Variants in HYAL4 observed in about 807,000 individuals in gnomAD.
The protein encoded by HYAL4 is hyaluronidase-4.
In HYAL4, 37 loss-of-function variants were observed where a neutral mutation model predicts 35.2. The ratio of observed to expected loss-of-function variants is 1.05; its 90% CI spans 0.81 to 1.38. The LOEUF is 1.38. Among genes scored for constraint, HYAL4 ranks in the 40% most tolerant of loss-of-function variants. HYAL4 has a pLI of 0.00. For missense variants in HYAL4, 572 were observed against 572.4 expected (o/e 1.00, Z 0.01); for synonymous variants, 198 against 203.2 (o/e 0.97, Z 0.22).
the HYAL4 span, among the ~76,000 whole-genome samples, chr7:123,775,313 T>C: frequency 2.6e-5 from 4 of 151,932 alleles, no homozygotes; most frequent in African/African-American, 9.7e-5. Context: ...CCTATAGTAC[T>C]AGCTACTCAA....
At chr7:123,847,488 A>G (rs1000380403) in intron 1 of HYAL4, among the ~76,000 whole-genome samples, 2 of 152,134 alleles carry the variant, frequency 1.3e-5, no homozygotes, top group African/African-American at 4.8e-5. Context: ...TTAATAATAC[A>G]TGCTTTAGGC....
Position 123,868,867 on chromosome 7 carries a change from C to A in HYAL4, c.594C>A (p.Phe198Leu). Reference protein sequence around the residue: ...KVTFEESAKAFMKETIKLGIK... With the variant: ...KVTFEESAKALMKETIKLGIK... ...CCTTTGAAGAAAGTGCAAAAGCTTTCATGAAGGAAACCATCAAATTGGGAA... is the reference window on the plus strand; with the variant it reads ...CCTTTGAAGAAAGTGCAAAAGCTTTAATGAAGGAAACCATCAAATTGGGAA... Residue 198 changes from phenylalanine to leucine, a missense_variant, in exon 3 of 5, where the codon TTC becomes TTA. Phe to Leu is a conservative substitution (Grantham distance 22). Transcript: ENST00000223026. The A allele has an allele frequency of 6.2e-7, 1 of 1,614,160 alleles. No homozygotes were observed. The highest frequency in any genetic ancestry group is 1.3e-5 in the African/African-American group (1 of 75,040).
chr7:123,804,483 GTCTA>G, the HYAL4 span, among the ~76,000 whole-genome samples: 14 of 152,196 alleles, frequency 9.2e-5, no homozygotes, highest in South Asian at 6.2e-4. Flanking sequence ...CCTTAATTTT[GTCTA>G]TCTTTTTCTG....
the HYAL4 span, among the ~76,000 whole-genome samples, chr7:123,808,074 C>T: frequency 6.6e-6 from 1 of 151,722 alleles, no homozygotes; most frequent in Non-Finnish European, 1.5e-5. Flanking sequence ...TATAGTTGCC[C>T]AGCCAGGGCT....
the HYAL4 span, among the ~76,000 whole-genome samples, chr7:123,812,977 A>C: frequency 6.6e-6 from 1 of 152,122 alleles, no homozygotes; most frequent in Non-Finnish European, 1.5e-5. Flanking sequence ...TAAAAGAGTA[A>C]ATTATCGTTC....
chr7:123,793,207 C>G, the HYAL4 span, among the ~76,000 whole-genome samples: 2 of 152,232 alleles, frequency 1.3e-5, no homozygotes, highest in African/African-American at 2.4e-5. Flanking sequence ...ATGCTCCAAA[C>G]TTGATCTGGT....
chr7:123,841,024 G>A (rs1405468756), upstream of HYAL4, among the ~76,000 whole-genome samples: 3 of 151,950 alleles, frequency 2.0e-5, no homozygotes, highest in East Asian at 3.8e-4. Context: ...CCAACACTAT[G>A]TTGAATAGGA....
the HYAL4 span, among the ~76,000 whole-genome samples, chr7:123,823,839 C>CGAA: frequency 1.3e-5 from 2 of 151,516 alleles, no homozygotes; most frequent in Admixed American, 1.3e-4. Flanking sequence ...CAAAATAACT[C>CGAA]TATTAATTTT....
chr7:123,765,372 T>A, the HYAL4 span, among the ~76,000 whole-genome samples: 1 of 152,168 alleles, frequency 6.6e-6, no homozygotes, highest in African/African-American at 2.4e-5. Flanking sequence ...AACTATACAT[T>A]AGGGATTTTT....
At chr7:123,809,464 C>T in the HYAL4 span, among the ~76,000 whole-genome samples, 15 of 145,470 alleles carry the variant, frequency 1.0e-4, no homozygotes, top group African/African-American at 1.3e-4. Flanking sequence ...GGCGTGATCT[C>T]GGCTCACTGC....
chr7:123,821,288 G>T, the HYAL4 span, among the ~76,000 whole-genome samples: 2 of 152,074 alleles, frequency 1.3e-5, no homozygotes, highest in African/African-American at 2.4e-5. Flanking sequence ...GGGTATGGGG[G>T]TTCCCATTTC....
In HYAL4 at chr7:123,868,563, A is replaced by G; in HGVS notation, c.290A>G (p.Tyr97Cys). The G allele has an allele frequency of 1.2e-6, 2 of 1,613,852 alleles. No individual in the cohort carries two copies. Among genetic ancestry groups the G allele is most frequent in the Non-Finnish European group, 1.7e-6 (2 of 1,179,932 alleles). The change falls in exon 3 of 5, where the codon TAC becomes TGC. Residue 97 changes from tyrosine to cysteine, a missense_variant. Tyr to Cys is a radical substitution (Grantham distance 194). Coordinates refer to ENST00000223026, the MANE Select transcript of HYAL4 (RefSeq NM_012269.3). ...ATATTTTATGTCAACAGATTGGGAT[A>G]CTATCCGTGGTATACATCACAAGGG... Reference protein sequence around the residue: ...VTIFYVNRLGYYPWYTSQGVP... With the variant: ...VTIFYVNRLGCYPWYTSQGVP...
the HYAL4 span, among the ~76,000 whole-genome samples, chr7:123,783,550 A>G: frequency 1.3e-5 from 2 of 152,158 alleles, no homozygotes; most frequent in Admixed American, 6.5e-5. Flanking sequence ...CTATGTGAGT[A>G]GAGCCTTGAA....
the HYAL4 span, among the ~76,000 whole-genome samples, chr7:123,778,736 T>A: frequency 2.0e-5 from 3 of 152,184 alleles, no homozygotes; most frequent in Non-Finnish European, 4.4e-5. Flanking sequence ...ATTTTTGTAC[T>A]GTAAAATTTC....
At chr7:123,800,164 A>AT in the HYAL4 span, among the ~76,000 whole-genome samples, 1 of 148,650 alleles carries the variant, frequency 6.7e-6, no homozygotes, top group Non-Finnish European at 1.5e-5. Context: ...CTCTGTGTCA[A>AT]TTTTTTTTAC....
chr7:123,874,988 G>A (rs978601932), intron 4 of HYAL4, 138 bp downstream of exon 4: 1 of 604,788 alleles, frequency 1.7e-6, no homozygotes, highest in Non-Finnish European at 3.0e-6. Flanking sequence ...CATAGCAAAG[G>A]CTAAAAAATA....
At chr7:123,849,716 T>G (rs1464791545) in intron 2 of HYAL4, among the ~76,000 whole-genome samples, 2 of 152,058 alleles carry the variant, frequency 1.3e-5, no homozygotes, top group African/African-American at 4.8e-5. Context: ...AATACTTGGT[T>G]CTCTGCAGGG....
chr7:123,841,109 A>T (rs1362128164), upstream of HYAL4, among the ~76,000 whole-genome samples: 2 of 151,942 alleles, frequency 1.3e-5, no homozygotes, highest in Non-Finnish European at 2.9e-5. Flanking sequence ...ATTCAGTATG[A>T]TATTGGCTGT....
chr7:123,868,979 T>A lies in HYAL4; in HGVS notation c.706T>A (p.Ser236Thr), dbSNP rs768741881. Residue 236 changes from serine (S) to threonine (T), a missense_variant, in exon 3 of 5, where the codon TCA becomes ACA. Transcript: ENST00000223026. ...CGTTTATGCCCCAAACTACTCTGGG[T>A]CATGCCCAGAAGACGAAGTCTTGAG... ...YNVYAPNYSGSCPEDEVLRNN... is the reference protein window; with the variant it reads ...YNVYAPNYSGTCPEDEVLRNN... The A allele has an allele frequency of 6.8e-6, 11 of 1,613,852 alleles. No homozygotes were observed. The East Asian group carries it at 2.0e-4, about 29-fold the overall frequency.
Sources: allele counts gnomAD v4.1 joint callset (sites outside exome capture counted in the v4.1 genomes callset), GRCh38; gene constraint gnomAD v4.1.1; transcripts MANE v1.5; gene names NCBI Gene and HGNC (gene_info 2026-07-23, HGNC 2026-07-21).